Variants in HMMR observed in about 807,000 individuals in gnomAD.
HMMR encodes the protein intracellular hyaluronic acid-binding protein.
HMMR carries 108 observed loss-of-function variants against 101.0 expected under a neutral mutation model. The ratio of observed to expected loss-of-function variants is 1.07; its 90% CI spans 0.92 to 1.25. The LOEUF (loss-of-function observed/expected upper bound fraction) is 1.25. Among genes scored for constraint, HMMR ranks in the 50% most tolerant of loss-of-function variants. HMMR has a pLI of 0.00. For missense variants in HMMR, 813 were observed against 788.7 expected (o/e 1.03, Z -0.37); for synonymous variants, 296 against 276.4 (o/e 1.07, Z -0.70).
rs557859410 is a variant in HMMR, at chr5:163,474,274, C to G, written c.1053+69C>G. On this transcript the variant is annotated intron_variant, in intron 10 of 17. Coordinates refer to ENST00000393915, the MANE Select transcript of HMMR (RefSeq NM_001142556.2). The stretch of plus-strand genomic sequence containing the variant: ...TACATTTCCCTATGTCTCTGAACAC[C>G]TTTAAATTGTGTATATCCTTTGATC... The G allele has an allele frequency of 5.9e-6, 7 of 1,182,592 alleles. No homozygotes were observed. The Admixed American group carries it at 8.5e-5, about 14-fold the overall frequency. The allele number at this position is 1,182,592 out of a possible 1,614,324, so 73.3% of individuals were successfully genotyped here.
Position 163,474,055 on chromosome 5 carries a change from A to G in HMMR, c.905-2A>G, listed in dbSNP as rs1758989287. 1 of 1,605,698 alleles carries G rather than the reference A, an allele frequency of 6.2e-7. No homozygotes were observed. The highest frequency in any genetic ancestry group is 1.7e-4 in the Middle Eastern group (1 of 6,036). ...GTATTCTTGATGTTTTGCGTTTTCTAGAAGACCATGTCAACAGGAATAGAG... is the reference window on the plus strand; with the variant it reads ...GTATTCTTGATGTTTTGCGTTTTCTGGAAGACCATGTCAACAGGAATAGAG... On this transcript the variant is annotated splice_acceptor_variant, in intron 9 of 17. Transcript: ENST00000393915. LOFTEE classifies it high-confidence loss of function.
chr5:163,464,894 G>T, intron 3 of HMMR, 92 bp downstream of exon 3: 1 of 748,800 alleles, frequency 1.3e-6, no homozygotes, highest in Non-Finnish European at 2.3e-6. Context: ...TTAAGTGTAT[G>T]AATCAAGGTT....
intron 12 of HMMR, among the ~76,000 whole-genome samples, chr5:163,479,343 A>G (rs1361984036): frequency 6.6e-6 from 1 of 152,168 alleles, no homozygotes; most frequent in Non-Finnish European, 1.5e-5. Flanking sequence ...TTTCCAATCA[A>G]TATTAAAACA....
intron 9 of HMMR, among the ~76,000 whole-genome samples, chr5:163,473,834 G>A (rs1758979751): frequency 6.6e-6 from 1 of 151,990 alleles, no homozygotes; most frequent in Admixed American, 6.5e-5. Context: ...CCACTAGGTG[G>A]CTGTGTAACA....
chr5:163,472,060 T>A (rs1319068540), intron 7 of HMMR, among the ~76,000 whole-genome samples: 2 of 150,158 alleles, frequency 1.3e-5, no homozygotes, highest in African/African-American at 4.9e-5. Context: ...ATTTATTTTT[T>A]TTTTTAGAGA....
At chr5:163,475,424 CA>C in intron 10 of HMMR, 33 bp from the exon 11 acceptor site, 1 of 1,323,128 alleles carries the variant, frequency 7.6e-7, no homozygotes, top group Non-Finnish European at 1.1e-6. Flanking sequence ...AATGCCATTC[CA>C]AATTATTTTG....
intron 4 of HMMR, among the ~76,000 whole-genome samples, chr5:163,468,329 GT>G (rs1758765608): frequency 6.6e-6 from 1 of 152,186 alleles, no homozygotes; most frequent in African/African-American, 2.4e-5. Context: ...GTAGCCACAT[GT>G]GATTGGCAGC....
chr5:163,487,639 G>A (rs572921241), intron 16 of HMMR, among the ~76,000 whole-genome samples: 33 of 151,526 alleles, frequency 2.2e-4, no homozygotes, highest in Non-Finnish European at 4.7e-4. Context: ...TTCTTGATTC[G>A]GTTTTCTTCT....
At chr5:163,489,623 C>T (rs79891032) in intron 16 of HMMR, among the ~76,000 whole-genome samples, 3,472 of 152,170 alleles carry the variant, frequency 0.023, 63 homozygotes, top group Non-Finnish European at 0.035. Context: ...AACCATCCCC[C>T]TCATGAGCCA....
chr5:163,462,871 T>C (rs2113451142), intron 1 of HMMR, among the ~76,000 whole-genome samples: 1 of 151,808 alleles, frequency 6.6e-6, no homozygotes, highest in South Asian at 2.1e-4. Context: ...TCCTGTCTAC[T>C]GTTTGACAAA....
intron 11 of HMMR, among the ~76,000 whole-genome samples, chr5:163,476,717 C>T (rs927470076): frequency 6.6e-6 from 1 of 152,132 alleles, no homozygotes; most frequent in Admixed American, 6.5e-5. Context: ...AGTAAGAAAT[C>T]TCTTATTTAC....
rs1293721972 is a variant in HMMR at position 163,467,853 on chromosome 5, G to T, written c.273+105G>T. 3 of 681,514 alleles carry T rather than the reference G, an allele frequency of 4.4e-6. No individual in the cohort carries two copies. The African/African-American group carries it at 5.5e-5, about 13-fold the overall frequency. 42.2% of individuals were successfully genotyped at this position (681,514 alleles called of 1,614,324 possible). On this transcript the variant is annotated intron_variant, in intron 4 of 17. Coordinates refer to ENST00000393915, the MANE Select transcript of HMMR (RefSeq NM_001142556.2). ...TGCAGTGTGAGGAGTCCTGCAGTGA[G>T]GCAAACATGCCATCCAGAACAGTGC...
chr5:163,468,368 A>G (rs1758766234), intron 4 of HMMR, among the ~76,000 whole-genome samples: 1 of 152,240 alleles, frequency 6.6e-6, no homozygotes, highest in Admixed American at 6.5e-5. Context: ...CATTTCCACC[A>G]TGACAGAAAT....
At chr5:163,466,088 A>AC (rs1469190972) in intron 3 of HMMR, among the ~76,000 whole-genome samples, 2 of 151,600 alleles carry the variant, frequency 1.3e-5, no homozygotes, top group African/African-American at 2.4e-5. Flanking sequence ...ACATGGTGAA[A>AC]CCCCGTCTCT....
At chr5:163,468,042 A>G (rs1037291301) in intron 4 of HMMR, among the ~76,000 whole-genome samples, 1 of 152,238 alleles carries the variant, frequency 6.6e-6, no homozygotes, top group Non-Finnish European at 1.5e-5. Context: ...TCAAATATTT[A>G]TATCTATCCA....
Position 163,465,104 on chromosome 5 carries a change from C to G in HMMR, c.225+302C>G, listed in dbSNP as rs1405055806. ...ATGTGATGCTTTGATTTATTAAGTA[C>G]CACCATTTGAGTTGTTTTGTTTTTG... On this transcript the variant is annotated intron_variant, in intron 3 of 17. Coordinates refer to ENST00000393915, the MANE Select transcript of HMMR (RefSeq NM_001142556.2). The G allele has an allele frequency of 3.4e-5, 9 of 267,282 alleles. No individual in the cohort carries two copies. The South Asian group carries it at 6.0e-4, about 18-fold the overall frequency. The allele number at this position is 267,282 out of a possible 1,614,324, so 16.6% of individuals were successfully genotyped here.
intron 10 of HMMR, among the ~76,000 whole-genome samples, chr5:163,475,015 G>GT (rs1196027908): frequency 1.3e-5 from 2 of 151,954 alleles, no homozygotes; most frequent in Non-Finnish European, 2.9e-5. Context: ...ATTAGGGGGG[G>GT]AAGTCGTCAA....
intron 1 of HMMR, among the ~76,000 whole-genome samples, chr5:163,462,053 G>A (rs943072435): frequency 1.3e-5 from 2 of 152,138 alleles, no homozygotes; most frequent in Admixed American, 6.5e-5. Context: ...ACAAAGGAAG[G>A]CCAAATGAGC....
intron 1 of HMMR, among the ~76,000 whole-genome samples, chr5:163,461,229 G>A (rs899079368): frequency 6.6e-6 from 1 of 152,174 alleles, no homozygotes; most frequent in Non-Finnish European, 1.5e-5. Context: ...AAACAATGAA[G>A]TTATGGCTGA....
Sources: allele counts gnomAD v4.1 joint callset (sites outside exome capture counted in the v4.1 genomes callset), GRCh38; gene constraint gnomAD v4.1.1; transcripts MANE v1.5; gene names NCBI Gene and HGNC (gene_info 2026-07-23, HGNC 2026-07-21).